Variants in JUP observed in about 807,000 individuals in gnomAD.
The protein encoded by JUP is catenin (cadherin-associated protein), gamma 80kDa.
In JUP, 28 loss-of-function variants were observed where a neutral mutation model predicts 71.1. The ratio of observed to expected loss-of-function variants is 0.39; its 90% CI spans 0.29 to 0.54. The LOEUF (loss-of-function observed/expected upper bound fraction) is 0.54. Among genes scored for constraint, JUP ranks in the 20% least tolerant of loss-of-function variants. The pLI is 0.62. For missense variants in JUP, 869 were observed against 1,030.1 expected (o/e 0.84, Z 2.14); for synonymous variants, 401 against 438.9 (o/e 0.91, Z 1.08).
intron 1 of JUP, among the ~76,000 whole-genome samples, chr17:41,781,054 G>A (rs540119059): frequency 1.3e-5 from 2 of 152,200 alleles, no homozygotes; most frequent in Admixed American, 1.3e-4. Flanking sequence ...GGTGGCGGGC[G>A]CCTGTAGTCC....
At chr17:41,782,939 A>T (rs2047239650) in intron 1 of JUP, among the ~76,000 whole-genome samples, 1 of 152,018 alleles carries the variant, frequency 6.6e-6, no homozygotes, top group Admixed American at 6.6e-5. Context: ...TCTACTAAAA[A>T]TACAAAAATT....
chr17:41,765,111 G>A (rs782652088), intron 5 of JUP, 44 bp from the exon 6 acceptor site: 4 of 1,599,026 alleles, frequency 2.5e-6, no homozygotes, highest in South Asian at 2.2e-5. Flanking sequence ...CGGGGAATAT[G>A]ACAGGAACAA....
intron 2 of JUP, among the ~76,000 whole-genome samples, chr17:41,770,574 C>T (rs532109311): frequency 9.8e-5 from 15 of 152,286 alleles, no homozygotes; most frequent in African/African-American, 3.1e-4. Flanking sequence ...GACTGGCATG[C>T]GAGGGCTGAG....
chr17:41,769,321 C>A, intron 3 of JUP, 97 bp downstream of exon 3: 1 of 1,566,550 alleles, frequency 6.4e-7, no homozygotes, highest in South Asian at 1.1e-5. Flanking sequence ...GAGTCTGGGT[C>A]ATAACCTCCC....
intron 2 of JUP, among the ~76,000 whole-genome samples, 161 bp from the exon 3 acceptor site, chr17:41,769,838 C>T (rs1227652019): frequency 3.9e-5 from 6 of 152,070 alleles, no homozygotes; most frequent in African/African-American, 1.2e-4. Flanking sequence ...CACCAGGAAC[C>T]TTGGGGAAGT....
rs782435477 is a variant in JUP, at chr17:41,769,152, G to A, written c.524C>T (p.Ser175Leu). ...IVNQLSKKEA[S>L]RRALMGSPQL... ...GGGCGAGCCCATCAGGGCCCGCCGC[G>A]ACGCCTCCTTCTTCGACAGCTGGTT... Residue 175 changes from serine (S) to leucine (L), a missense_variant, in exon 4 of 14, where the codon TCG becomes TTG. Transcript: ENST00000393931. 1.5e-5 allele frequency: 24 copies of A among 1,606,646 alleles called. No individual in the cohort carries two copies. Among genetic ancestry groups the A allele is most frequent in the South Asian group, 4.4e-5 (4 of 91,076 alleles).
intron 1 of JUP, among the ~76,000 whole-genome samples, chr17:41,778,771 C>T (rs1351900369): frequency 1.3e-5 from 2 of 151,462 alleles, no homozygotes; most frequent in Non-Finnish European, 2.9e-5. Flanking sequence ...ATTAGCCGGG[C>T]GTGTTAGCGG....
intron 1 of JUP, among the ~76,000 whole-genome samples, chr17:41,775,060 G>A (rs915913383): frequency 1.3e-5 from 2 of 150,326 alleles, no homozygotes; most frequent in Admixed American, 6.7e-5. Context: ...CCGAGACTGC[G>A]CCACTGCACT....
In JUP at chr17:41,758,774, C is replaced by T. The variant is rs1417885286; in HGVS notation, c.1594G>A (p.Val532Met). The T allele has an allele frequency of 1.2e-6, 2 of 1,610,806 alleles. No individual in the cohort carries two copies. Reference protein sequence around the residue: ...AVIPRLVQLLVKAHQDAQRHV... With the variant: ...AVIPRLVQLLMKAHQDAQRHV... Reference sequence around the variant, plus strand: ...CGCTGGGCATCCTGGTGGGCCTTCACCAGCAGTTGGACGAGGCGGGGGATG... The same window carrying T: ...CGCTGGGCATCCTGGTGGGCCTTCATCAGCAGTTGGACGAGGCGGGGGATG... The change falls in exon 9 of 14, where the codon GTG (valine) becomes ATG (methionine). Residue 532 changes from valine (V) to methionine (M), a missense_variant. Val to Met is a conservative substitution (Grantham distance 21). Transcript: ENST00000393931.
In JUP at chr17:41,767,400, G is replaced by A. The variant is rs782541083; in HGVS notation, c.888C>T (p.Ala296=). 1 of 1,614,060 alleles carries A rather than the reference G, an allele frequency of 6.2e-7. No individual in the cohort carries two copies. Among genetic ancestry groups the A allele is most frequent in the Non-Finnish European group, 8.5e-7 (1 of 1,180,046 alleles). ...AITTDCLQLL[A]YGNQESKLII... ...CCACCTTGCTCTCCTGGTTGCCGTA[G>A]GCCAGGAGCTGCAGGCAGTCGGTGG... Residue 296 remains alanine (A), a synonymous_variant, in exon 5 of 14, where the codon GCC becomes GCT. Transcript: ENST00000393931.
chr17:41,784,017 G>C (rs113298462), intron 1 of JUP, among the ~76,000 whole-genome samples: 1,637 of 151,784 alleles, frequency 0.011, 32 homozygotes, highest in African/African-American at 0.038. Context: ...TTTTGCCAAA[G>C]AGGTCACTGA....
intron 1 of JUP, among the ~76,000 whole-genome samples, chr17:41,775,503 G>A (rs1597847837): frequency 6.6e-6 from 1 of 152,206 alleles, no homozygotes; most frequent in African/African-American, 2.4e-5. Flanking sequence ...ACCCAGTTCA[G>A]TCTTGTCCCT....
chr17:41,757,853 C>T (rs1473821813), intron 10 of JUP, 69 bp from the exon 11 acceptor site: 17 of 1,334,536 alleles, frequency 1.3e-5, no homozygotes, highest in Non-Finnish European at 1.8e-5. Context: ...CAACACACCC[C>T]ACAGCACTGC....
chr17:41,760,459 C>G (rs547195063), intron 8 of JUP, among the ~76,000 whole-genome samples: 3 of 151,906 alleles, frequency 2.0e-5, no homozygotes, highest in Non-Finnish European at 4.4e-5. Context: ...GGGGTTTCAC[C>G]GTGTTAGCCA....
chr17:41,756,323 G>A (rs576010199), intron 12 of JUP, 109 bp from the exon 13 acceptor site: 1 of 1,136,552 alleles, frequency 8.8e-7, no homozygotes, highest in East Asian at 2.4e-5. Flanking sequence ...GGCCAGGCTG[G>A]GTGCCATGGC....
intron 4 of JUP, among the ~76,000 whole-genome samples, 175 bp downstream of exon 4, chr17:41,768,794 G>A (rs1468102064): frequency 6.6e-6 from 1 of 152,196 alleles, no homozygotes; most frequent in African/African-American, 2.4e-5. Context: ...TTAACCTGCT[G>A]TTTACATGCC....
At chr17:41,773,037 G>T in intron 1 of JUP, 4 of 969,238 alleles carry the variant, frequency 4.1e-6, no homozygotes, top group Non-Finnish European at 4.9e-6. Flanking sequence ...CTGGTCCCCC[G>T]CGTACAGATG....
intron 5 of JUP, 132 bp from the exon 6 acceptor site, chr17:41,765,199 T>C: frequency 1.1e-6 from 1 of 895,596 alleles, no homozygotes; most frequent in Non-Finnish European, 1.7e-6. Flanking sequence ...TTTCTTTTAA[T>C]GTATTTTTTT....
intron 1 of JUP, chr17:41,772,672 TATC>T: frequency 2.5e-6 from 1 of 399,246 alleles, no homozygotes. Context: ...CCACGGCCAT[TATC>T]ATCAGCACTG....
Sources: gnomAD v4.1 joint callset for allele counts (sites outside exome capture counted in the v4.1 genomes callset) on GRCh38, gnomAD v4.1.1 for gene constraint, MANE v1.5 for transcripts, NCBI Gene and HGNC (gene_info 2026-07-23, HGNC 2026-07-21) for gene names.